Variants in FOXP1 observed in about 807,000 individuals in gnomAD.
FOXP1 encodes the protein forkhead box P1.
In FOXP1, 15 loss-of-function variants were observed where a neutral mutation model predicts 98.2. The ratio of observed to expected loss-of-function variants is 0.15; its 90% CI spans 0.10 to 0.24. The LOEUF is 0.24. FOXP1 is among the 10% of genes least tolerant of loss of function. FOXP1 has a pLI of 1.00. For missense variants in FOXP1, 633 were observed against 848.5 expected, an observed-to-expected ratio of 0.75 and a Z score of 3.15; for synonymous variants, 371 against 314.5, an observed-to-expected ratio of 1.18 and a Z score of -1.90.
intron 1 of FOXP1, 188 bp from the exon 2 acceptor site, chr3:71,581,885 A>G (rs1018644089): frequency 3.9e-5 from 38 of 985,178 alleles, no homozygotes; most frequent in Non-Finnish European, 4.6e-5. Flanking sequence ...GCAAGGATCC[A>G]GAGACCGGGA....
At position 71,351,628 on chromosome 3, in the gene FOXP1, TAAATAAAA is replaced by T. The variant is rs1577091042; in HGVS notation, c.-73+7514_-73+7521del. 2.8e-4 allele frequency among the ~76,000 whole-genome samples: 42 copies of T among 152,296 alleles called. No individual in the cohort carries two copies. The East Asian group carries it at 7.9e-3, about 29-fold the overall frequency. On this transcript the variant is annotated intron_variant, in intron 4 of 20. Transcript: ENST00000649528. ...TTTCAGTACCCCAGATTCACCCTGG[TAAATAAAA>T]AGCCTTCCAGGTGAATGTTTCCAAG...
chr3:70,979,279 C>CAAAAAAAAAAAAAAAAAAAAAAAAAAA (rs544916383), intron 14 of FOXP1, among the ~76,000 whole-genome samples: 2 of 42,552 alleles, frequency 4.7e-5, no homozygotes, highest in Non-Finnish European at 7.5e-5. Flanking sequence ...GACTCTACCT[C>CAAAAAAAAAAAAAAAAAAAAAAAAAAA]AAAAAAAAAA....
In FOXP1 at chr3:70,958,938, G is replaced by GAATC. The variant is rs1163668271; in HGVS notation, c.*305_*308dup. On this transcript the variant is annotated 3_prime_UTR_variant, in exon 21 of 21. Coordinates refer to ENST00000649528, the MANE Select transcript of FOXP1 (RefSeq NM_001349338.3). Reference sequence around the variant, plus strand: ...CAGTTCAAAGTCTGCTGCTAAAAGTGAATCAGTTTAGCAAATTTACAACAC... The same window carrying GAATC: ...CAGTTCAAAGTCTGCTGCTAAAAGTGAATCAATCAGTTTAGCAAATTTACAACAC... 1.2e-5 allele frequency: 5 copies of GAATC among 429,266 alleles called. No individual in the cohort carries two copies. Among genetic ancestry groups the GAATC allele is most frequent in the Middle Eastern group, 6.9e-4 (1 of 1,458 alleles). 26.6% of individuals were successfully genotyped at this position (429,266 alleles called of 1,614,324 possible). A position where few individuals can be genotyped will look rare whatever the true frequency, so the allele number is the denominator to read the frequency against.
Position 71,543,269 on chromosome 3 carries a change from G to A in FOXP1, c.-298+38280C>T, listed in dbSNP as rs550214038. Among the ~76,000 whole-genome samples the A allele has an allele frequency of 7.2e-4, 109 of 152,234 alleles. 1 individual carries two copies. Among genetic ancestry groups the A allele is most frequent in the African/African-American group, 2.5e-3 (105 of 41,542 alleles). ...TTTAGTTAACATCCACTTGCTTTGC[G>A]GCTGTTAAAAAACCATGACTGAATA... is the stretch of plus-strand genomic sequence containing the variant. On this transcript the variant is annotated intron_variant, in intron 2 of 20. Coordinates refer to ENST00000649528, the MANE Select transcript of FOXP1 (RefSeq NM_001349338.3).
At chr3:71,178,343 C>T (rs1424804313) in intron 6 of FOXP1, among the ~76,000 whole-genome samples, 3 of 150,916 alleles carry the variant, frequency 2.0e-5, no homozygotes, top group Non-Finnish European at 4.4e-5. Context: ...ACCATGTTGG[C>T]CAAGATGGTC....
At chr3:71,576,773 T>C (rs1467772241) in intron 2 of FOXP1, among the ~76,000 whole-genome samples, 1 of 152,162 alleles carries the variant, frequency 6.6e-6, no homozygotes, top group Admixed American at 6.5e-5. Flanking sequence ...TCCCCTCCTT[T>C]TGAAATAAAA....
At chr3:71,358,225 C>T (rs984868226) in intron 4 of FOXP1, among the ~76,000 whole-genome samples, 10 of 152,324 alleles carry the variant, frequency 6.6e-5, no homozygotes, top group African/African-American at 2.4e-4. Flanking sequence ...TTTAATCGTT[C>T]TTCATTGGCA....
At position 71,349,646 on chromosome 3, in the gene FOXP1, A is replaced by T. The variant is rs535121279; in HGVS notation, c.-73+9504T>A. Among the ~76,000 whole-genome samples the T allele has an allele frequency of 8.9e-3, 1,362 of 152,318 alleles. 21 individuals carry two copies. The highest frequency in any genetic ancestry group is 0.031 in the African/African-American group (1,299 of 41,568). On this transcript the variant is annotated intron_variant, in intron 4 of 20. Coordinates refer to ENST00000649528, the MANE Select transcript of FOXP1 (RefSeq NM_001349338.3). Reference sequence around the variant, plus strand: ...GTGTAAGTAACATGCAAAAATAAAAAAAAAAATTCCATCCAGGGCACATGG... The same window carrying T: ...GTGTAAGTAACATGCAAAAATAAAATAAAAAATTCCATCCAGGGCACATGG...
chr3:71,110,130 C>G (rs533532979), intron 7 of FOXP1, among the ~76,000 whole-genome samples: 2 of 152,080 alleles, frequency 1.3e-5, no homozygotes, highest in Non-Finnish European at 2.9e-5. Flanking sequence ...GGCTAAAAAC[C>G]CTGTAACAGG....
At chr3:71,115,349 AT>A (rs1553745358) in intron 6 of FOXP1, among the ~76,000 whole-genome samples, 1 of 112,698 alleles carries the variant, frequency 8.9e-6, no homozygotes, top group African/African-American at 3.6e-5. Flanking sequence ...TTATTTATTT[AT>A]TTTGGAGACG....
At chr3:71,365,334 T>A (rs1406156523) in intron 3 of FOXP1, among the ~76,000 whole-genome samples, 2 of 152,016 alleles carry the variant, frequency 1.3e-5, no homozygotes, top group Admixed American at 1.3e-4. Context: ...ACTCACCCCA[T>A]GCCTGGTTCT....
At chr3:71,025,705 AC>A (rs1469397052) in intron 11 of FOXP1, among the ~76,000 whole-genome samples, 10 of 152,244 alleles carry the variant, frequency 6.6e-5, no homozygotes. Context: ...TGTTTAACAA[AC>A]ACCAATTTTA....
At chr3:71,015,232 A>G (rs948964650) in intron 12 of FOXP1, among the ~76,000 whole-genome samples, 2 of 152,206 alleles carry the variant, frequency 1.3e-5, no homozygotes, top group African/African-American at 4.8e-5. Context: ...AAGGACATGA[A>G]TAAAAGTAAA....
chr3:71,432,231 C>G (rs1026857974), intron 3 of FOXP1, among the ~76,000 whole-genome samples: 1 of 152,194 alleles, frequency 6.6e-6, no homozygotes, highest in Non-Finnish European at 1.5e-5. Flanking sequence ...AGACTTCTCA[C>G]GGCTGACCTT....
At chr3:71,255,468 T>C (rs1021946100) in intron 5 of FOXP1, among the ~76,000 whole-genome samples, 3 of 152,196 alleles carry the variant, frequency 2.0e-5, no homozygotes, top group African/African-American at 7.2e-5. Context: ...TTATGTTTCC[T>C]CGCTTTCATA....
At chr3:71,157,558 C>CT (rs768322525) in intron 6 of FOXP1, among the ~76,000 whole-genome samples, 3 of 152,112 alleles carry the variant, frequency 2.0e-5, no homozygotes, top group Non-Finnish European at 4.4e-5. Flanking sequence ...AGAACACATC[C>CT]TTTAACCTAT....
chr3:71,535,333 T>C (rs2044202094), intron 2 of FOXP1, among the ~76,000 whole-genome samples: 1 of 152,072 alleles, frequency 6.6e-6, no homozygotes, highest in African/African-American at 2.4e-5. Context: ...TCAGAATTCA[T>C]GGCAAGCAGG....
At chr3:71,213,298 A>G (rs890025097) in intron 5 of FOXP1, among the ~76,000 whole-genome samples, 2 of 152,248 alleles carry the variant, frequency 1.3e-5, no homozygotes, top group African/African-American at 4.8e-5. Flanking sequence ...TAAAGGATTC[A>G]GGACAAACTA....
chr3:71,092,145 A>G (rs1299198265), intron 7 of FOXP1, among the ~76,000 whole-genome samples: 3 of 151,748 alleles, frequency 2.0e-5, no homozygotes, highest in Non-Finnish European at 1.5e-5. Context: ...CTGAGATCGC[A>G]CCACTGCACT....
Sources: allele counts gnomAD v4.1 joint callset (sites outside exome capture counted in the v4.1 genomes callset), GRCh38; gene constraint gnomAD v4.1.1; transcripts MANE v1.5; gene names NCBI Gene and HGNC (gene_info 2026-07-23, HGNC 2026-07-21).